CAMKMT: variants seen among roughly 807,000 people sequenced by gnomAD.
The protein encoded by CAMKMT is CaM KMT.
Under a neutral mutation model 48.0 loss-of-function variants are expected in CAMKMT, and 53 were observed. That is an observed-to-expected ratio of 1.10 (90% CI 0.89 to 1.39). CAMKMT has a LOEUF of 1.39. Ranked by LOEUF, CAMKMT falls within the 40% of genes most tolerant of loss-of-function variation. CAMKMT has a pLI of 0.00. For missense variants in CAMKMT, 428 were observed against 402.7 expected, an observed-to-expected ratio of 1.06 and a Z score of -0.54; for synonymous variants, 165 against 152.3, an observed-to-expected ratio of 1.08 and a Z score of -0.61.
intron 10 of CAMKMT, among the ~76,000 whole-genome samples, chr2:44,768,342 G>T (rs1229231475): frequency 6.3e-5 from 7 of 111,448 alleles, no homozygotes; most frequent in Admixed American, 2.7e-4. Flanking sequence ...GGGCGCCCAT[G>T]ATATATATAT....
chr2:44,445,524 A>G (rs1405891888), intron 3 of CAMKMT, among the ~76,000 whole-genome samples: 2 of 151,942 alleles, frequency 1.3e-5, no homozygotes, highest in African/African-American at 4.8e-5. Context: ...TTGTGTCTCC[A>G]TACTACGGGA....
chr2:44,407,999 A>G (rs1231199674), intron 3 of CAMKMT, among the ~76,000 whole-genome samples: 1 of 150,566 alleles, frequency 6.6e-6, no homozygotes, highest in African/African-American at 2.5e-5. Context: ...GTTGGTTTAG[A>G]GGCAGAAGAC....
In CAMKMT at chr2:44,528,122, A is replaced by G. The variant is rs180966711; in HGVS notation, c.376+137817A>G. Among the ~76,000 whole-genome samples, 108 of 152,252 alleles carry G rather than the reference A, an allele frequency of 7.1e-4. 1 individual carries two copies. In the Middle Eastern group the frequency reaches 0.01, roughly 14 times the overall value. On this transcript the variant is annotated intron_variant, in intron 3 of 10. Transcript: ENST00000378494. ...TGGGAAGGATGTAGTCAAAATTCCC[A>G]GTCTCTTCAGCTGAATTTGTCCCTT...
chr2:44,456,211 AG>A (rs1229302253), intron 3 of CAMKMT, among the ~76,000 whole-genome samples: 4 of 152,176 alleles, frequency 2.6e-5, no homozygotes, highest in Non-Finnish European at 5.9e-5. Context: ...TATGTGCGTG[AG>A]TATGAAAACA....
intron 3 of CAMKMT, among the ~76,000 whole-genome samples, chr2:44,638,033 C>T (rs1299920028): frequency 1.6e-4 from 21 of 133,734 alleles, no homozygotes; most frequent in South Asian, 1.2e-3. Context: ...CCAGCCTGGG[C>T]GACCGAGCGA....
chr2:44,631,470 T>A, intron 3 of CAMKMT: 2 of 597,872 alleles, frequency 3.3e-6, no homozygotes, highest in Non-Finnish European at 5.9e-6. Flanking sequence ...AAAAAAACAA[T>A]TTTTTATTTT....
In CAMKMT at chr2:44,369,258, G is replaced by A. The variant is rs192546412; in HGVS notation, c.139-3458G>A. 3.4e-4 allele frequency among the ~76,000 whole-genome samples: 52 copies of A among 152,138 alleles called. No homozygotes were observed. In the East Asian group the frequency reaches 9.4e-3, roughly 28 times the overall value. ...CCTTCAAAGAGAGACTACCTTTTCCGATCCTCCATTTAAAAAACTAACCTT... is the reference window on the plus strand; with the variant it reads ...CCTTCAAAGAGAGACTACCTTTTCCAATCCTCCATTTAAAAAACTAACCTT... On this transcript the variant is annotated intron_variant, in intron 1 of 10. Transcript: ENST00000378494.
intron 3 of CAMKMT, chr2:44,393,245 A>G (rs1331744173): frequency 6.6e-6 from 1 of 152,180 alleles, no homozygotes. Flanking sequence ...CTTATTTACT[A>G]TTAGAAAAGA....
At chr2:44,445,645 G>GTTTTGTTTTTTTTTTTTTTTTTTTTTTT (rs1558621354) in intron 3 of CAMKMT, among the ~76,000 whole-genome samples, 1 of 101,408 alleles carries the variant, frequency 9.9e-6, no homozygotes, top group African/African-American at 3.7e-5. Context: ...CAAAAGGGTA[G>GTTTTGTTTTTTTTTTTTTTTTTTTTTTT]TTTTTTTTTT....
At chr2:44,492,745 A>G (rs1669568789) in intron 3 of CAMKMT, among the ~76,000 whole-genome samples, 1 of 152,190 alleles carries the variant, frequency 6.6e-6, no homozygotes, top group Non-Finnish European at 1.5e-5. Flanking sequence ...ATCATCACTC[A>G]AAATAGGACA....
chr2:44,624,398 A>G (rs1008722182), intron 3 of CAMKMT, among the ~76,000 whole-genome samples: 3 of 151,992 alleles, frequency 2.0e-5, no homozygotes, highest in Non-Finnish European at 4.4e-5. Flanking sequence ...ACATATGTAT[A>G]CATGTGCCAT....
At chr2:44,514,112 A>G (rs1245147806) in intron 3 of CAMKMT, among the ~76,000 whole-genome samples, 1 of 152,042 alleles carries the variant, frequency 6.6e-6, no homozygotes, top group Non-Finnish European at 1.5e-5. Context: ...AAAAAAAAAA[A>G]AAAAAGAAAA....
intron 2 of CAMKMT, among the ~76,000 whole-genome samples, chr2:44,373,304 C>T (rs1402126188): frequency 1.3e-5 from 2 of 152,012 alleles, no homozygotes; most frequent in African/African-American, 4.8e-5. Context: ...TTTTTTATTA[C>T]TTTCAGAATA....
intron 3 of CAMKMT, among the ~76,000 whole-genome samples, chr2:44,577,650 G>A (rs1186655902): frequency 1.4e-5 from 2 of 147,862 alleles, no homozygotes; most frequent in Admixed American, 6.9e-5. Flanking sequence ...GGACGGGGAG[G>A]GGGAGAGAGA....
chr2:44,713,158 A>G (rs935819514), intron 6 of CAMKMT, among the ~76,000 whole-genome samples: 21 of 152,160 alleles, frequency 1.4e-4, no homozygotes, highest in Non-Finnish European at 1.6e-4. Context: ...AATTGTATAA[A>G]AGTATATAGT....
At chr2:44,471,104 C>T (rs757491959) in intron 3 of CAMKMT, among the ~76,000 whole-genome samples, 57 of 151,194 alleles carry the variant, frequency 3.8e-4, no homozygotes, top group Non-Finnish European at 7.1e-4. Context: ...AAGCAATTCT[C>T]CTGCCTCAGC....
intron 3 of CAMKMT, among the ~76,000 whole-genome samples, chr2:44,402,108 CCTG>C (rs1558581267): frequency 2.0e-5 from 3 of 152,086 alleles, no homozygotes; most frequent in Admixed American, 1.3e-4. Context: ...GGGTGGATCA[CCTG>C]AGGTTGGGCG....
At chr2:44,429,756 G>A (rs1401665913) in intron 3 of CAMKMT, among the ~76,000 whole-genome samples, 3 of 141,200 alleles carry the variant, frequency 2.1e-5, no homozygotes, top group Non-Finnish European at 4.5e-5. Context: ...AGCCGAGATT[G>A]CGCCACTGCA....
intron 7 of CAMKMT, among the ~76,000 whole-genome samples, chr2:44,740,235 C>A (rs1679599658): frequency 6.7e-6 from 1 of 149,840 alleles, no homozygotes; most frequent in Non-Finnish European, 1.5e-5. Flanking sequence ...CTCAGATGAT[C>A]CTCCCACCTT....
Sources: gnomAD v4.1 joint callset for allele counts (sites outside exome capture counted in the v4.1 genomes callset) on GRCh38, gnomAD v4.1.1 for gene constraint, MANE v1.5 for transcripts, NCBI Gene and HGNC (gene_info 2026-07-23, HGNC 2026-07-21) for gene names.